Variants in DACH1 observed in about 807,000 individuals in gnomAD.
The protein encoded by DACH1 is dachshund family transcription factor 1.
DACH1 carries 12 observed loss-of-function variants against 54.2 expected under a neutral mutation model. The observed-to-expected ratio is 0.22, with a 90% CI of 0.14 to 0.36. The LOEUF (loss-of-function observed/expected upper bound fraction) is 0.36, where lower values mean the gene tolerates loss of function less well. Among genes scored for constraint, DACH1 ranks in the 10% least tolerant of loss-of-function variants. DACH1 has a pLI of 1.00. For missense variants in DACH1, 805 were observed against 929.8 expected, an observed-to-expected ratio of 0.87 and a Z score of 1.75; for synonymous variants, 386 against 366.2, an observed-to-expected ratio of 1.05 and a Z score of -0.62.
chr13:71,747,000 A>T (rs549848503), intron 1 of DACH1, among the ~76,000 whole-genome samples: 92 of 152,300 alleles, frequency 6.0e-4, no homozygotes, highest in African/African-American at 2.2e-3. Flanking sequence ...GTAGTAACAC[A>T]TATGTATTAA....
chr13:71,609,747 G>A (rs1371153574), intron 3 of DACH1, among the ~76,000 whole-genome samples: 2 of 151,824 alleles, frequency 1.3e-5, no homozygotes, highest in African/African-American at 2.4e-5. Flanking sequence ...GGCTGGTCTC[G>A]AACTCCAGAC....
chr13:71,540,307 G>A (rs1322715372), intron 6 of DACH1, among the ~76,000 whole-genome samples: 4 of 152,030 alleles, frequency 2.6e-5, no homozygotes, highest in Non-Finnish European at 4.4e-5. Flanking sequence ...CACCTTCAGT[G>A]AAGAACAATA....
chr13:71,819,460 C>G (rs1888102333), intron 1 of DACH1, among the ~76,000 whole-genome samples: 2 of 152,152 alleles, frequency 1.3e-5, no homozygotes, highest in African/African-American at 4.8e-5. Flanking sequence ...ATTGGAGCCT[C>G]TCTCCTTTCA....
At chr13:71,475,558 A>G in intron 9 of DACH1, 148 bp downstream of exon 9, 1 of 977,354 alleles carries the variant, frequency 1.0e-6, no homozygotes, top group Non-Finnish European at 1.5e-6. Context: ...ATTTTCCCCA[A>G]CACGTTCTTC....
At chr13:71,754,127 A>G (rs1246823763) in intron 1 of DACH1, among the ~76,000 whole-genome samples, 2 of 151,946 alleles carry the variant, frequency 1.3e-5, no homozygotes, top group East Asian at 3.9e-4. Context: ...ATCCTGTTTC[A>G]GCAAAATAAA....
chr13:71,581,187 T>C (rs879916901), intron 3 of DACH1, among the ~76,000 whole-genome samples: 1 of 152,178 alleles, frequency 6.6e-6, no homozygotes, highest in African/African-American at 2.4e-5. Flanking sequence ...AGCGTTCAGA[T>C]ACAGCCTTTG....
chr13:71,718,478 C>T, intron 1 of DACH1, among the ~76,000 whole-genome samples: 1 of 150,376 alleles, frequency 6.6e-6, no homozygotes. Context: ...CCCAGCTACT[C>T]AGGAGGAGGA....
intron 1 of DACH1, among the ~76,000 whole-genome samples, chr13:71,772,683 CT>C (rs2138040062): frequency 6.6e-6 from 1 of 151,820 alleles, no homozygotes; most frequent in African/African-American, 2.4e-5. Context: ...AAAGTGACAT[CT>C]CTTAAACACA....
At chr13:71,509,074 AT>A (rs1341885335) in intron 6 of DACH1, among the ~76,000 whole-genome samples, 1 of 152,146 alleles carries the variant, frequency 6.6e-6, no homozygotes, top group Non-Finnish European at 1.5e-5. Context: ...CTATTAGTAT[AT>A]TTAACCTTAA....
chr13:71,449,976 G>A (rs1236872815), intron 10 of DACH1, among the ~76,000 whole-genome samples: 2 of 151,134 alleles, frequency 1.3e-5, no homozygotes, highest in Non-Finnish European at 2.9e-5. Context: ...GTTAAATGAC[G>A]AGTTACTGGG....
rs182582969 is a variant in DACH1, at chr13:71,714,797, A to T, written c.849-32887T>A. 2.2e-4 allele frequency among the ~76,000 whole-genome samples: 33 copies of T among 152,196 alleles called. 2 individuals are homozygous for T. Among genetic ancestry groups the T allele is most frequent in the African/African-American group, 7.2e-4 (30 of 41,554 alleles). On this transcript the variant is annotated intron_variant, in intron 1 of 10. Coordinates refer to ENST00000613252, the MANE Select transcript of DACH1 (RefSeq NM_080759.6). ...AGGGCACCAATAAGAGAGATTTTTT[A>T]AAAATGTATTTTAAAATAGAAAGGA...
At chr13:71,576,018 T>G (rs913475768) in intron 3 of DACH1, among the ~76,000 whole-genome samples, 18 of 152,130 alleles carry the variant, frequency 1.2e-4, no homozygotes, top group African/African-American at 4.3e-4. Flanking sequence ...TTTCACAATT[T>G]TATTTTAAGC....
chr13:71,732,893 C>G (rs1218487435), intron 1 of DACH1, among the ~76,000 whole-genome samples: 1 of 152,100 alleles, frequency 6.6e-6, no homozygotes, highest in East Asian at 1.9e-4. Flanking sequence ...ACTGGAATGT[C>G]TTTATGGTCT....
intron 1 of DACH1, among the ~76,000 whole-genome samples, chr13:71,838,255 C>G (rs1432812992): frequency 1.3e-5 from 2 of 152,022 alleles, no homozygotes; most frequent in Admixed American, 6.6e-5. Context: ...ATGTGGAGTT[C>G]ATTGTTTAAT....
intron 2 of DACH1, among the ~76,000 whole-genome samples, chr13:71,652,482 C>T (rs1878754944): frequency 6.6e-6 from 1 of 152,084 alleles, no homozygotes; most frequent in African/African-American, 2.4e-5. Context: ...GCACTCATTC[C>T]ACTTTCTATT....
intron 10 of DACH1, among the ~76,000 whole-genome samples, chr13:71,468,753 T>C (rs951785341): frequency 1.3e-5 from 2 of 152,216 alleles, no homozygotes; most frequent in African/African-American, 2.4e-5. Flanking sequence ...ATTCATTACA[T>C]GTTAAGTTGT....
At position 71,508,760 on chromosome 13, in the gene DACH1, A is replaced by G. The variant is rs144911753; in HGVS notation, c.1571-19612T>C. On this transcript the variant is annotated intron_variant, in intron 6 of 10. Coordinates refer to ENST00000613252, the MANE Select transcript of DACH1 (RefSeq NM_080759.6). ...TGGAATTACAGGCAGGAGCCACTGC[A>G]CCTGGCCAAATTAATATTGTTAACT... Among the ~76,000 whole-genome samples, 1,321 of 152,154 alleles carry G rather than the reference A, an allele frequency of 8.7e-3. 18 individuals carry two copies. Among genetic ancestry groups the G allele is most frequent in the African/African-American group, 0.029 (1,215 of 41,528 alleles).
chr13:71,816,659 CGTGT>C (rs1169973836), intron 1 of DACH1, among the ~76,000 whole-genome samples: 6 of 22,142 alleles, frequency 2.7e-4, no homozygotes, highest in South Asian at 2.5e-3. Flanking sequence ...TATATATACA[CGTGT>C]ATATATATAC....
At chr13:71,630,456 A>C (rs951531341) in intron 3 of DACH1, 100 bp downstream of exon 3, 97 of 1,436,562 alleles carry the variant, frequency 6.8e-5, no homozygotes, top group Non-Finnish European at 8.5e-5. Context: ...AAAAGTGCCA[A>C]CTTTTTGAAT....
Sources: gnomAD v4.1 joint callset for allele counts (sites outside exome capture counted in the v4.1 genomes callset) on GRCh38, gnomAD v4.1.1 for gene constraint, MANE v1.5 for transcripts, NCBI Gene and HGNC (gene_info 2026-07-23, HGNC 2026-07-21) for gene names.